SNX29: variants seen among roughly 807,000 people sequenced by gnomAD.
SNX29 encodes the protein sorting nexin 29, also known as sorting nexin-29.
Under a neutral mutation model 102.1 loss-of-function variants are expected in SNX29, and 78 were observed. That is an observed-to-expected ratio of 0.76 (90% CI 0.64 to 0.92). SNX29 has a LOEUF of 0.92. Among genes scored for constraint, SNX29 ranks in the 40% least tolerant of loss-of-function variants. The pLI is 0.00. For missense variants in SNX29, 1,280 were observed against 1,061.7 expected (o/e 1.21, Z -2.86); for synonymous variants, 580 against 414.5 (o/e 1.40, Z -4.85).
intron 13 of SNX29, among the ~76,000 whole-genome samples, chr16:12,196,622 C>CTTTTTTTTTTT (rs34779383): frequency 3.1e-5 from 4 of 129,662 alleles, no homozygotes; most frequent in Admixed American, 8.2e-5. Flanking sequence ...TTTCTTTTTT[C>CTTTTTTTTTTT]TTTTTTTTTT....
At chr16:12,042,352 G>A (rs1181595761) in intron 4 of SNX29, among the ~76,000 whole-genome samples, 2 of 152,086 alleles carry the variant, frequency 1.3e-5, no homozygotes, top group Admixed American at 6.6e-5. Flanking sequence ...TAGATTCAGC[G>A]GGTACATGTG....
chr16:12,164,970 G>A (rs2055951075), intron 13 of SNX29, among the ~76,000 whole-genome samples: 1 of 152,150 alleles, frequency 6.6e-6, no homozygotes, highest in East Asian at 1.9e-4. Flanking sequence ...TTACAGGTGT[G>A]AGCCACCGCA....
At chr16:12,034,194 C>A (rs1015715662) in intron 4 of SNX29, among the ~76,000 whole-genome samples, 8 of 152,170 alleles carry the variant, frequency 5.3e-5, no homozygotes, top group African/African-American at 1.9e-4. Context: ...TCACCTTGGG[C>A]AACAATTTCA....
At chr16:12,427,591 G>T (rs1014940406) in intron 18 of SNX29, among the ~76,000 whole-genome samples, 4 of 151,592 alleles carry the variant, frequency 2.6e-5, no homozygotes, top group African/African-American at 9.8e-5. Context: ...TCGGTTGTTG[G>T]TATTTAATCA....
chr16:12,254,250 C>T (rs2078503882), intron 14 of SNX29, among the ~76,000 whole-genome samples: 1 of 152,086 alleles, frequency 6.6e-6, no homozygotes, highest in Admixed American at 6.6e-5. Context: ...TATTGAAAGC[C>T]CCAAAACTGG....
intron 19 of SNX29, among the ~76,000 whole-genome samples, chr16:12,521,564 C>G (rs1473591216): frequency 2.0e-5 from 3 of 152,092 alleles, no homozygotes; most frequent in Non-Finnish European, 4.4e-5. Flanking sequence ...GAGCATTTCC[C>G]TTCCAAAAAA....
Position 12,003,138 on chromosome 16 carries a change from A to G in SNX29, c.122+95A>G. 2.1e-6 allele frequency: 3 copies of G among 1,440,306 alleles called. No individual in the cohort carries two copies. The South Asian group carries it at 3.5e-5, about 17-fold the overall frequency. The allele number at this position is 1,440,306 out of a possible 1,614,324, so 89.2% of individuals were successfully genotyped here. A position where few individuals can be genotyped will look rare whatever the true frequency, so the allele number is the denominator to read the frequency against. On this transcript the variant is annotated intron_variant, in intron 3 of 20. Transcript: ENST00000566228. Reference sequence around the variant, plus strand: ...AAACCGTTGACCATCGAGGTTGGAAAGGCGGCAGAAGGCGGCTGGCTTCTG... The same window carrying G: ...AAACCGTTGACCATCGAGGTTGGAAGGGCGGCAGAAGGCGGCTGGCTTCTG...
At chr16:12,267,725 T>C (rs2142570337) in intron 14 of SNX29, among the ~76,000 whole-genome samples, 1 of 152,262 alleles carries the variant, frequency 6.6e-6, no homozygotes, top group Middle Eastern at 3.4e-3. Context: ...AACGGCAAGT[T>C]ATCTTTTGGA....
intron 15 of SNX29, among the ~76,000 whole-genome samples, chr16:12,318,163 C>T (rs1567432374): frequency 6.6e-6 from 1 of 152,206 alleles, no homozygotes; most frequent in Non-Finnish European, 1.5e-5. Flanking sequence ...CCAGAGAGGG[C>T]GGCAGAGCCA....
chr16:12,536,181 TCAG>T, intron 20 of SNX29, among the ~76,000 whole-genome samples: 1 of 152,240 alleles, frequency 6.6e-6, no homozygotes, highest in East Asian at 1.9e-4. Context: ...CACACATCAC[TCAG>T]AAGATAAAGG....
rs1487592353 is a variant in SNX29 at position 12,182,184 on chromosome 16, G to A, written c.1596-17417G>A. 3.1e-5 allele frequency among the ~76,000 whole-genome samples: 4 copies of A among 131,136 alleles called. No homozygotes were observed. In the East Asian group the frequency reaches 9.4e-4, roughly 31 times the overall value. 86.0% of individuals were successfully genotyped at this position (131,136 alleles called of 152,430 possible). Reference sequence around the variant, plus strand: ...TAACAGGCATGAGCCACTGTGCCCGGCCTAGTTTTTTTTTTTTTTTTTTTT... The same window carrying A: ...TAACAGGCATGAGCCACTGTGCCCGACCTAGTTTTTTTTTTTTTTTTTTTT... On this transcript the variant is annotated intron_variant, in intron 13 of 20. Transcript: ENST00000566228.
chr16:12,303,772 T>A (rs1056027132), intron 15 of SNX29, among the ~76,000 whole-genome samples: 4 of 152,196 alleles, frequency 2.6e-5, no homozygotes, highest in South Asian at 4.1e-4. Context: ...TTTTGTAATT[T>A]AAAAAATTAG....
Position 12,159,978 on chromosome 16 carries a change from A to G in SNX29, c.1595+30220A>G, listed in dbSNP as rs188811459. ...CACCAATTTTCTTTACTGAAAATCT[A>G]TTCTTCACCTCTCTTGTCTCTGGGA... On this transcript the variant is annotated intron_variant, in intron 13 of 20. Coordinates refer to ENST00000566228, the MANE Select transcript of SNX29 (RefSeq NM_032167.5). 5.3e-5 allele frequency among the ~76,000 whole-genome samples: 8 copies of G among 152,322 alleles called. No individual in the cohort carries two copies. The East Asian group carries it at 1.5e-3, about 29-fold the overall frequency.
intron 16 of SNX29, among the ~76,000 whole-genome samples, chr16:12,377,254 C>T (rs764444088): frequency 2.6e-5 from 4 of 152,178 alleles, no homozygotes; most frequent in Non-Finnish European, 5.9e-5. Flanking sequence ...GTAAGAATCC[C>T]GTAATGTCCT....
intron 17 of SNX29, among the ~76,000 whole-genome samples, chr16:12,399,700 G>A (rs1476184578): frequency 6.6e-6 from 1 of 152,126 alleles, no homozygotes; most frequent in African/African-American, 2.4e-5. Flanking sequence ...GGCATCACGG[G>A]GCTATTCATG....
chr16:12,339,805 T>C (rs1596985903), intron 15 of SNX29, among the ~76,000 whole-genome samples: 1 of 152,342 alleles, frequency 6.6e-6, no homozygotes, highest in East Asian at 1.9e-4. Flanking sequence ...TTGGCCTGAC[T>C]TGAGTCTTCT....
At chr16:12,413,892 C>T (rs1390299912) in intron 18 of SNX29, among the ~76,000 whole-genome samples, 1 of 144,130 alleles carries the variant, frequency 6.9e-6, no homozygotes, top group East Asian at 2.1e-4. Flanking sequence ...CCTTGCTTGT[C>T]TGGGGGGGAT....
intron 11 of SNX29, among the ~76,000 whole-genome samples, 198 bp downstream of exon 11, chr16:12,079,113 C>T (rs905453341): frequency 5.3e-5 from 8 of 152,310 alleles, no homozygotes; most frequent in East Asian, 1.9e-4. Flanking sequence ...GGCGTGTGCG[C>T]GCTAAAGGGC....
At position 12,335,946 on chromosome 16, in the gene SNX29, C is replaced by A. The variant is rs575884929; in HGVS notation, c.1783-20217C>A. Among the ~76,000 whole-genome samples the A allele has an allele frequency of 2.6e-5, 4 of 152,000 alleles. No individual in the cohort carries two copies. The East Asian group carries it at 7.8e-4, about 30-fold the overall frequency. ...CCCAGGCAGTTGGACTCCACCTCCA[C>A]CGCTACCCTCTCCTGCTTCCTGTGG... On this transcript the variant is annotated intron_variant, in intron 15 of 20. Transcript: ENST00000566228.
Sources: allele counts gnomAD v4.1 joint callset (sites outside exome capture counted in the v4.1 genomes callset), GRCh38; gene constraint gnomAD v4.1.1; transcripts MANE v1.5; gene names NCBI Gene and HGNC (gene_info 2026-07-23, HGNC 2026-07-21).